Variants in WNK2 observed in about 807,000 individuals in gnomAD.
WNK2 encodes the protein WNK lysine deficient protein kinase 2, also known as serine/threonine-protein kinase WNK2.
In WNK2, 67 loss-of-function variants were observed where a neutral mutation model predicts 192.1. That is an observed-to-expected ratio of 0.35 (90% CI 0.29 to 0.43). The LOEUF is 0.43. Among genes scored for constraint, WNK2 ranks in the 20% least tolerant of loss-of-function variants. WNK2 has a pLI of 1.00. For missense variants in WNK2, 2,698 were observed against 3,089.7 expected, an observed-to-expected ratio of 0.87 and a Z score of 3.01; for synonymous variants, 1,439 against 1,393.9, an observed-to-expected ratio of 1.03 and a Z score of -0.72.
At chr9:93,287,775 A>C (rs1194411706) in intron 19 of WNK2, among the ~76,000 whole-genome samples, 3 of 152,140 alleles carry the variant, frequency 2.0e-5, no homozygotes, top group African/African-American at 7.2e-5. Context: ...AAAAAGACAA[A>C]GTGGGCTGGG....
chr9:93,221,459 A>G (rs1268036074), intron 2 of WNK2, among the ~76,000 whole-genome samples: 2 of 152,130 alleles, frequency 1.3e-5, no homozygotes, highest in Non-Finnish European at 2.9e-5. Context: ...GGCTTTCTCA[A>G]AGTTCAACAT....
intron 4 of WNK2, among the ~76,000 whole-genome samples, chr9:93,232,399 C>G (rs1838973566): frequency 1.3e-5 from 2 of 152,210 alleles, no homozygotes; most frequent in Non-Finnish European, 2.9e-5. Context: ...TCTCCACTCC[C>G]TCCTGGAGGG....
chr9:93,319,178 A>G (rs1199342778), intron 29 of WNK2: 1 of 1,613,798 alleles, frequency 6.2e-7, no homozygotes, highest in Non-Finnish European at 8.5e-7. Context: ...TGTATATCTG[A>G]AGGAGAAAAA....
At position 93,320,523 on chromosome 9, in the gene WNK2, G is replaced by A. The variant is rs1022767419; in HGVS notation, c.*131G>A. On this transcript the variant is annotated 3_prime_UTR_variant, in exon 30 of 30. Transcript: ENST00000427277. ...TTCTAAGCATTTTTTATTCACAATT[G>A]GAAACACAAATGTAATGCAAGAATA... 19 of 1,012,604 alleles carry A rather than the reference G, an allele frequency of 1.9e-5. No homozygotes were observed. The highest frequency in any genetic ancestry group is 2.5e-5 in the Non-Finnish European group (18 of 726,206). The allele number at this position is 1,012,604 out of a possible 1,614,324, so 62.7% of individuals were successfully genotyped here.
intron 2 of WNK2, among the ~76,000 whole-genome samples, chr9:93,215,143 A>G (rs1484069647): frequency 1.3e-5 from 2 of 151,988 alleles, no homozygotes; most frequent in African/African-American, 4.8e-5. Flanking sequence ...ATTTTTTGAG[A>G]TGGAGTCTTG....
chr9:93,295,417 A>G (rs966667396), intron 23 of WNK2, among the ~76,000 whole-genome samples: 8 of 151,892 alleles, frequency 5.3e-5, no homozygotes, highest in African/African-American at 1.9e-4. Flanking sequence ...ATTTTTATTT[A>G]TTTATTTTGT....
chr9:93,306,722 T>C, intron 26 of WNK2, 55 bp from the exon 27 acceptor site: 1 of 1,607,512 alleles, frequency 6.2e-7, no homozygotes, highest in Non-Finnish European at 8.5e-7. Context: ...CGTGTCCCAG[T>C]GTGTGCTGTT....
intron 2 of WNK2, among the ~76,000 whole-genome samples, chr9:93,193,375 CAG>C (rs772459481): frequency 1.3e-3 from 199 of 152,308 alleles, no homozygotes; most frequent in Middle Eastern, 3.4e-3. Flanking sequence ...CCTGAGCACA[CAG>C]GGGCCTCAGG....
chr9:93,306,840 T>C lies in WNK2; in HGVS notation c.6259+19T>C, dbSNP rs1852645002. 1 of 1,614,064 alleles carries C rather than the reference T, an allele frequency of 6.2e-7. No homozygotes were observed. The highest frequency in any genetic ancestry group is 2.2e-5 in the East Asian group (1 of 44,880). ...AGCAGTAGTAATTATCCGGGTTTTT[T>C]CCCCTTTGTCCTCTCTCATCGCATG... On this transcript the variant is annotated intron_variant, in intron 27 of 29. Transcript: ENST00000427277.
rs1474975638 is a variant in WNK2 at position 93,229,188 on chromosome 9, T to A, written c.682-508T>A. Among the ~76,000 whole-genome samples, 3 of 152,198 alleles carry A rather than the reference T, an allele frequency of 2.0e-5. No homozygotes were observed. Among genetic ancestry groups the A allele is most frequent in the Admixed American group, 2.0e-4 (3 of 15,282 alleles). On this transcript the variant is annotated intron_variant, in intron 2 of 29. Coordinates refer to ENST00000427277, the MANE Select transcript of WNK2 (RefSeq NM_006648.4). This position sits in a 1 kb window ranked among gnomAD's most constrained non-coding sequence, Gnocchi z 4.9. ...GGAGGGCCTGGGCTGCCCTCTGGGC[T>A]GCTGACTGGTCAGTTTGGCTCTGCT...
chr9:93,189,516 T>G (rs958065509), intron 2 of WNK2, among the ~76,000 whole-genome samples: 31 of 152,308 alleles, frequency 2.0e-4, no homozygotes, highest in Non-Finnish European at 2.8e-4. Flanking sequence ...CAAGGAACGA[T>G]GTGTCCTGCC....
rs116775041 is a variant in WNK2 at position 93,308,607 on chromosome 9, G to C, written c.6516+23G>C. ...GCTGTGAGTGCGGGGCGGGTGGGGC[G>C]GGTGCTCCTGGGGTGGGGTAGCCTT... On this transcript the variant is annotated intron_variant, in intron 28 of 29. Coordinates refer to ENST00000427277, the MANE Select transcript of WNK2 (RefSeq NM_006648.4). The C allele has an allele frequency of 7.1e-3, 4,596 of 646,278 alleles. 99 individuals are homozygous for C. Among genetic ancestry groups the C allele is most frequent in the East Asian group, 0.059 (1,826 of 31,190 alleles). The allele number at this position is 646,278 out of a possible 1,614,324, so 40.0% of individuals were successfully genotyped here.
chr9:93,217,380 G>A (rs761054357), intron 2 of WNK2, among the ~76,000 whole-genome samples: 2 of 152,198 alleles, frequency 1.3e-5, no homozygotes, highest in Non-Finnish European at 2.9e-5. Flanking sequence ...GTTTTGGGCC[G>A]CACAACTTTA....
chr9:93,196,139 A>G (rs1385972043), intron 2 of WNK2, among the ~76,000 whole-genome samples: 4 of 151,986 alleles, frequency 2.6e-5, no homozygotes, highest in Admixed American at 6.6e-5. Flanking sequence ...TTCATTTTAC[A>G]GTTATCTTAT....
chr9:93,190,850 C>T (rs1022604301), intron 2 of WNK2, among the ~76,000 whole-genome samples: 5 of 152,204 alleles, frequency 3.3e-5, no homozygotes, highest in East Asian at 1.9e-4. Context: ...CTCCTCTAGG[C>T]GGCTGCTTTT....
At chr9:93,187,252 G>C (rs985313466) in intron 2 of WNK2, among the ~76,000 whole-genome samples, 1 of 152,144 alleles carries the variant, frequency 6.6e-6, no homozygotes, top group Non-Finnish European at 1.5e-5. Context: ...TTAAGGAAAC[G>C]CAGGCGATTC....
rs185027419 is a variant in WNK2 at position 93,292,752 on chromosome 9, C to T, written c.5287C>T (p.His1763Tyr). Residue 1763 changes from histidine to tyrosine, a missense_variant, in exon 23 of 30, where the codon CAC becomes TAC. Physicochemically the swap from His to Tyr is moderately conservative, Grantham distance 83 (BLOSUM62 2). Coordinates refer to ENST00000427277, the MANE Select transcript of WNK2 (RefSeq NM_006648.4). ...GGACGAGTGGACCCTGGCCTCCCCC[C>T]ACAGCCTGAGATACTCTGCCCCACC... ...TQDEWTLASP[H>Y]SLRYSAPPDV... The T allele has an allele frequency of 9.6e-6, 15 of 1,563,314 alleles. No individual in the cohort carries two copies. The highest frequency in any genetic ancestry group is 5.9e-5 in the South Asian group (5 of 84,556).
intron 2 of WNK2, among the ~76,000 whole-genome samples, chr9:93,210,156 C>A (rs1834239639): frequency 6.6e-6 from 1 of 152,158 alleles, no homozygotes; most frequent in Non-Finnish European, 1.5e-5. Flanking sequence ...GCACTGTCCC[C>A]ACGTGAGTGA....
intron 2 of WNK2, among the ~76,000 whole-genome samples, chr9:93,199,618 G>A (rs1846100034): frequency 6.6e-6 from 1 of 152,148 alleles, no homozygotes; most frequent in Non-Finnish European, 1.5e-5. Context: ...AAAGCTGTGG[G>A]CCGGGTGCGG....
Sources: allele counts gnomAD v4.1 joint callset (sites outside exome capture counted in the v4.1 genomes callset), GRCh38; gene constraint gnomAD v4.1.1; non-coding constraint Gnocchi (gnomAD v3.1); transcripts MANE v1.5; gene names NCBI Gene and HGNC (gene_info 2026-07-23, HGNC 2026-07-21).